RBFOX1: variants seen among roughly 807,000 people sequenced by gnomAD.
The protein encoded by RBFOX1 is RNA binding protein fox-1 homolog 1.
Under a neutral mutation model 57.7 loss-of-function variants are expected in RBFOX1, and 8 were observed. That is an observed-to-expected ratio of 0.14 (90% CI 0.08 to 0.25). The LOEUF is 0.25. RBFOX1 is among the 10% of genes least tolerant of loss of function. The pLI, the probability that RBFOX1 is intolerant of heterozygous loss-of-function variation, is 1.00. For synonymous variants in RBFOX1, 326 were observed against 222.4 expected (o/e 1.47, Z -4.15); for missense variants, 611 against 548.5 (o/e 1.11, Z -1.14).
In RBFOX1 at chr16:7,149,492, T is replaced by G. The variant is rs2152269183; in HGVS notation, c.27+97394T>G. Among the ~76,000 whole-genome samples the G allele has an allele frequency of 2.7e-5, 4 of 145,864 alleles. No homozygotes were observed. In the South Asian group the frequency reaches 9.1e-4, roughly 33 times the overall value. On this transcript the variant is annotated intron_variant, in intron 4 of 15. Transcript: ENST00000550418. ...TTCTTTTCTTTCTTTCCTTTTTTTTTTTTTTTTTTTCCCCGACAGGGTCTC... is the reference window on the plus strand; with the variant it reads ...TTCTTTTCTTTCTTTCCTTTTTTTTGTTTTTTTTTTCCCCGACAGGGTCTC...
chr16:6,891,089 C>A (rs1356385456), intron 3 of RBFOX1, among the ~76,000 whole-genome samples: 13 of 152,136 alleles, frequency 8.5e-5, no homozygotes, highest in African/African-American at 2.4e-5. Context: ...TGACACCAGG[C>A]GTTCTTCCAA....
chr16:6,750,255 T>C (rs1158998066), intron 3 of RBFOX1, among the ~76,000 whole-genome samples: 1 of 152,222 alleles, frequency 6.6e-6, no homozygotes, highest in African/African-American at 2.4e-5. Context: ...AATTCATCAA[T>C]AGCTGTTAAG....
chr16:7,620,978 A>G (rs576217172), intron 10 of RBFOX1, among the ~76,000 whole-genome samples: 114 of 152,180 alleles, frequency 7.5e-4, no homozygotes, highest in African/African-American at 2.7e-3. Context: ...ATCCCTAGCA[A>G]TTTACTGTTG....
chr16:7,528,581 T>C (rs1411301565), intron 5 of RBFOX1, among the ~76,000 whole-genome samples: 1 of 152,142 alleles, frequency 6.6e-6, no homozygotes, highest in Non-Finnish European at 1.5e-5. Context: ...GGGGCTCCAG[T>C]GATCCTCCTG....
intron 1 of RBFOX1, among the ~76,000 whole-genome samples, chr16:5,443,869 C>G (rs2068161823): frequency 6.6e-6 from 1 of 152,084 alleles, no homozygotes; most frequent in African/African-American, 2.4e-5. Context: ...TTTTCCCCTT[C>G]TTTTTAAAGC....
At chr16:6,060,450 G>A (rs2171228) in intron 1 of RBFOX1, among the ~76,000 whole-genome samples, 1 of 152,114 alleles carries the variant, frequency 6.6e-6, no homozygotes, top group Non-Finnish European at 1.5e-5. Context: ...ATACTCTTAG[G>A]AGAAGCTTCC....
At chr16:7,483,447 AT>A (rs1233753214) in intron 4 of RBFOX1, among the ~76,000 whole-genome samples, 2 of 152,186 alleles carry the variant, frequency 1.3e-5, no homozygotes, top group African/African-American at 2.4e-5. Flanking sequence ...ATATGAGGAT[AT>A]TAGATAAGCA....
intron 1 of RBFOX1, among the ~76,000 whole-genome samples, chr16:6,222,145 T>C (rs1452558182): frequency 6.6e-6 from 1 of 152,182 alleles, no homozygotes; most frequent in Admixed American, 6.5e-5. Flanking sequence ...GCCAAATATG[T>C]AGTCCAATGG....
At chr16:6,787,695 G>A (rs1315625012) in intron 3 of RBFOX1, among the ~76,000 whole-genome samples, 1 of 152,128 alleles carries the variant, frequency 6.6e-6, no homozygotes, top group African/African-American at 2.4e-5. Flanking sequence ...CATGATCGTA[G>A]CATTCCATTG....
intron 2 of RBFOX1, among the ~76,000 whole-genome samples, chr16:6,484,759 T>C (rs1388126113): frequency 3.3e-5 from 5 of 152,166 alleles, no homozygotes; most frequent in Admixed American, 6.5e-5. Context: ...AAAAGTTTTG[T>C]TGGCAGTGTC....
chr16:5,533,842 GCTGGATTACCTT>G (rs2044584283), intron 2 of RBFOX1, among the ~76,000 whole-genome samples: 2 of 152,278 alleles, frequency 1.3e-5, no homozygotes, highest in Non-Finnish European at 2.9e-5. Flanking sequence ...TTCATATGGA[GCTGGATTACCTT>G]CTCCCAAAGA....
intron 3 of RBFOX1, among the ~76,000 whole-genome samples, chr16:5,782,286 G>A (rs2054348341): frequency 6.6e-6 from 1 of 152,146 alleles, no homozygotes; most frequent in African/African-American, 2.4e-5. Flanking sequence ...ATCTGATGAG[G>A]TCCCAGTCTG....
At chr16:7,403,169 A>C (rs1471383163) in intron 4 of RBFOX1, among the ~76,000 whole-genome samples, 1 of 152,204 alleles carries the variant, frequency 6.6e-6, no homozygotes, top group Non-Finnish European at 1.5e-5. Context: ...ATATGTATAC[A>C]TTATGCAGTG....
chr16:5,842,238 A>G (rs1418613518), intron 3 of RBFOX1, among the ~76,000 whole-genome samples: 3 of 152,180 alleles, frequency 2.0e-5, no homozygotes, highest in East Asian at 3.9e-4. Flanking sequence ...AATGGCGATG[A>G]TTTTCCTAGT....
chr16:5,716,212 A>T (rs907976414), intron 3 of RBFOX1, among the ~76,000 whole-genome samples: 3 of 152,176 alleles, frequency 2.0e-5, no homozygotes, highest in African/African-American at 7.2e-5. Flanking sequence ...GGTTGGCGTG[A>T]AAGTAATTTT....
chr16:5,767,152 C>A (rs553555485), intron 3 of RBFOX1, among the ~76,000 whole-genome samples: 1 of 152,182 alleles, frequency 6.6e-6, no homozygotes, highest in South Asian at 2.1e-4. Context: ...GGCATTCAGT[C>A]CCAATCACAG....
intron 3 of RBFOX1, among the ~76,000 whole-genome samples, chr16:5,639,650 GTC>G (rs1449348298): frequency 6.6e-6 from 1 of 152,136 alleles, no homozygotes; most frequent in Non-Finnish European, 1.5e-5. Context: ...TAGTGCTGCT[GTC>G]TCTCTCTTTC....
chr16:6,465,261 T>C (rs1374166972), intron 2 of RBFOX1, among the ~76,000 whole-genome samples: 2 of 152,174 alleles, frequency 1.3e-5, no homozygotes, highest in African/African-American at 4.8e-5. Context: ...AGTGAGGTTT[T>C]GTTGTTGTTA....
intron 4 of RBFOX1, among the ~76,000 whole-genome samples, chr16:7,259,542 A>T (rs1026443374): frequency 6.6e-6 from 1 of 151,826 alleles, no homozygotes; most frequent in Non-Finnish European, 1.5e-5. Flanking sequence ...AACAGGAGAT[A>T]GTCAGTATAA....
Sources: gnomAD v4.1 joint callset for allele counts (sites outside exome capture counted in the v4.1 genomes callset) on GRCh38, gnomAD v4.1.1 for gene constraint, MANE v1.5 for transcripts, NCBI Gene and HGNC (gene_info 2026-07-23, HGNC 2026-07-21) for gene names.